IQCH: variants seen among roughly 807,000 people sequenced by gnomAD.
The protein encoded by IQCH is IQ motif containing H, also known as IQ domain-containing protein H.
A neutral mutation model predicts 117.0 loss-of-function variants in IQCH; 98 were observed. That is an observed-to-expected ratio of 0.84 (90% CI 0.71 to 0.99). The LOEUF is 0.99. IQCH is among the 50% of genes least tolerant of loss of function. IQCH has a pLI of 0.00. For missense variants in IQCH, 1,102 were observed against 1,243.8 expected (o/e 0.89, Z 1.72); for synonymous variants, 412 against 448.2 (o/e 0.92, Z 1.02).
At chr15:67,361,595 G>T (rs956702317) in intron 8 of IQCH, among the ~76,000 whole-genome samples, 3 of 152,100 alleles carry the variant, frequency 2.0e-5, no homozygotes, top group Non-Finnish European at 4.4e-5. Flanking sequence ...ATGTATACAG[G>T]TAATCAGTTT....
intron 4 of IQCH, among the ~76,000 whole-genome samples, chr15:67,326,480 C>G (rs1218798617): frequency 6.6e-6 from 1 of 152,100 alleles, no homozygotes; most frequent in East Asian, 1.9e-4. Context: ...GGGTATACAC[C>G]CAGTAATGGG....
At chr15:67,320,257 G>T (rs1022947151) in intron 4 of IQCH, among the ~76,000 whole-genome samples, 27 of 152,194 alleles carry the variant, frequency 1.8e-4, no homozygotes, top group Admixed American at 4.6e-4. Context: ...ACCCCAGCCA[G>T]TATTTAAACA....
intron 4 of IQCH, among the ~76,000 whole-genome samples, chr15:67,318,949 G>A (rs1210949185): frequency 6.6e-5 from 10 of 152,182 alleles, no homozygotes; most frequent in African/African-American, 2.2e-4. Flanking sequence ...AATTAGGGCC[G>A]GGTGTGGAGG....
chr15:67,389,480 T>G (rs1433738044), intron 12 of IQCH, among the ~76,000 whole-genome samples: 1 of 149,354 alleles, frequency 6.7e-6, no homozygotes, highest in Non-Finnish European at 1.5e-5. Flanking sequence ...ATGTTCAGGT[T>G]TTTTTTTTTT....
rs1970460636 is a variant in IQCH, at chr15:67,369,758, A to G, written c.754-2353A>G. On this transcript the variant is annotated intron_variant, in intron 8 of 20. Coordinates refer to ENST00000335894, the MANE Select transcript of IQCH (RefSeq NM_001031715.3). This position sits in a 1 kb window ranked among gnomAD's most constrained non-coding sequence, Gnocchi z 5.2. ...GAAGCAGCTTTGTCTTTACCTGCTC[A>G]ATGGATCTCACAATGCTGATGCACT... Among the ~76,000 whole-genome samples the G allele has an allele frequency of 6.6e-6, 1 of 152,162 alleles. No individual in the cohort carries two copies. The highest frequency in any genetic ancestry group is 1.5e-5 in the Non-Finnish European group (1 of 68,030).
Position 67,474,067 on chromosome 15 carries a change from AGTGTGTGTGTGTGTGTGT to A in IQCH, c.2677-1609_2677-1592del, listed in dbSNP as rs36050088. Among the ~76,000 whole-genome samples the A allele has an allele frequency of 7.2e-6, 1 of 138,218 alleles. No homozygotes were observed. The highest frequency in any genetic ancestry group is 2.7e-5 in the African/African-American group (1 of 36,966). 90.7% of individuals were successfully genotyped at this position (138,218 alleles called of 152,430 possible). A position where few individuals can be genotyped will look rare whatever the true frequency, so the allele number is the denominator to read the frequency against. On this transcript the variant is annotated intron_variant, in intron 17 of 20. Transcript: ENST00000335894. The surrounding 1 kb of genome is among the most constrained non-coding windows in gnomAD (Gnocchi z 4.1). ...GTCACCAAAAGTGCCACGAAATCTG[AGTGTGTGTGTGTGTGTGT>A]GTGTGTGTGTGTGTGTGTGGAGAGG... is the stretch of plus-strand genomic sequence containing the variant.
chr15:67,354,655 G>A (rs570960605), intron 6 of IQCH, among the ~76,000 whole-genome samples: 1 of 152,256 alleles, frequency 6.6e-6, no homozygotes, highest in Admixed American at 6.5e-5. Context: ...GGAGAGACGG[G>A]AACAGGTAGT....
chr15:67,418,825 G>A (rs1055063058), intron 15 of IQCH, among the ~76,000 whole-genome samples: 1 of 151,376 alleles, frequency 6.6e-6, no homozygotes, highest in Non-Finnish European at 1.5e-5. Flanking sequence ...TGATCCGCCC[G>A]CCTCGGCCTC....
Position 67,408,549 on chromosome 15 carries a change from T to TA in IQCH, c.2097+8245dup, listed in dbSNP as rs1463202059. ...GTGTATGCATCTGTATGTGTGGAAA[T>TA]ATCAAACAAGGCACAGCTCTTCACT... is the stretch of plus-strand genomic sequence containing the variant. On this transcript the variant is annotated intron_variant, in intron 14 of 20. Transcript: ENST00000335894. The surrounding 1 kb of genome is among the most constrained non-coding windows in gnomAD (Gnocchi z 4.2). 1 of 152,224 alleles carries TA rather than the reference T, an allele frequency of 6.6e-6. No homozygotes were observed. The highest frequency in any genetic ancestry group is 6.5e-5 in the Admixed American group (1 of 15,282). The allele number at this position is 152,224 out of a possible 1,614,324, so 9.4% of individuals were successfully genotyped here. A position where few individuals can be genotyped will look rare whatever the true frequency, so the allele number is the denominator to read the frequency against.
At position 67,353,338 on chromosome 15, in the gene IQCH, TA is replaced by T. The variant is rs1434842369; in HGVS notation, c.638-4006del. Among the ~76,000 whole-genome samples the T allele has an allele frequency of 4.9e-5, 7 of 142,262 alleles. No homozygotes were observed. In the South Asian group the frequency reaches 1.3e-3, roughly 27 times the overall value. 93.3% of individuals were successfully genotyped at this position (142,262 alleles called of 152,430 possible). ...CAAAATAATTAAAAATTGGCTTCTTTATTTTTTTATTTTATATTTATTTATT... is the reference window on the plus strand; with the variant it reads ...CAAAATAATTAAAAATTGGCTTCTTTTTTTTTTATTTTATATTTATTTATT... On this transcript the variant is annotated intron_variant, in intron 6 of 20. Coordinates refer to ENST00000335894, the MANE Select transcript of IQCH (RefSeq NM_001031715.3).
chr15:67,464,653 T>C (rs1324844106), intron 16 of IQCH, among the ~76,000 whole-genome samples: 5 of 152,180 alleles, frequency 3.3e-5, no homozygotes, highest in Non-Finnish European at 7.3e-5. Context: ...AAATATCATA[T>C]TGAGGCTCCC....
chr15:67,400,683 C>T (rs1426674021), intron 14 of IQCH, among the ~76,000 whole-genome samples: 4 of 150,242 alleles, frequency 2.7e-5, no homozygotes, highest in Admixed American at 6.6e-5. Context: ...TTTATTGGGA[C>T]GGGGAGGGTC....
chr15:67,304,243 T>C (rs930960616), intron 4 of IQCH: 44 of 578,890 alleles, frequency 7.6e-5, no homozygotes, highest in Middle Eastern at 6.4e-4. Flanking sequence ...TTAAAATAAT[T>C]ATTTCCAAAG....
intron 4 of IQCH, among the ~76,000 whole-genome samples, chr15:67,329,912 C>T (rs1050636787): frequency 1.3e-5 from 2 of 151,818 alleles, no homozygotes; most frequent in African/African-American, 4.8e-5. Context: ...GATATGAGCT[C>T]TGAAAATGTA....
intron 3 of IQCH, among the ~76,000 whole-genome samples, chr15:67,277,037 T>C (rs2140467487): frequency 6.6e-6 from 1 of 152,390 alleles, no homozygotes; most frequent in South Asian, 2.1e-4. Flanking sequence ...GGAGTTTATA[T>C]TGACATTTCT....
chr15:67,438,528 G>T (rs1426616878), intron 16 of IQCH, among the ~76,000 whole-genome samples: 1 of 152,126 alleles, frequency 6.6e-6, no homozygotes, highest in Non-Finnish European at 1.5e-5. Flanking sequence ...CACAGGCAAC[G>T]AAGAGCAGGA....
At chr15:67,299,374 T>C (rs1966912177) in intron 4 of IQCH, among the ~76,000 whole-genome samples, 1 of 152,056 alleles carries the variant, frequency 6.6e-6, no homozygotes, top group African/African-American at 2.4e-5. Flanking sequence ...AAGGTGACGC[T>C]GGCTGGTCAC....
rs1230719068 is a variant in IQCH at position 67,359,872 on chromosome 15, A to G, written c.740A>G (p.His247Arg). 1 of 1,612,170 alleles carries G rather than the reference A, an allele frequency of 6.2e-7. No individual in the cohort carries two copies. The highest frequency in any genetic ancestry group is 8.5e-7 in the Non-Finnish European group (1 of 1,178,562). Residue 247 changes from histidine to arginine, a missense_variant, in exon 8 of 21, where the codon CAT becomes CGT. Around this residue, in one of 2 missense-constraint regions of IQCH, gnomAD observed 452 missense variants for 449.6 expected, o/e 1.01. Coordinates refer to ENST00000335894, the MANE Select transcript of IQCH (RefSeq NM_001031715.3). This position sits in a 1 kb window ranked among gnomAD's most constrained non-coding sequence, Gnocchi z 4.5. ...SKGKSRRSRG[H>R]HDRKAMKVKT... ...GGGAAAAGCAGAAGGTCAAGAGGAC[A>G]TCATGATAGGAAGGTCTGTAATTTG...
At chr15:67,461,223 AG>A (rs2082784846) in intron 16 of IQCH, among the ~76,000 whole-genome samples, 1 of 152,242 alleles carries the variant, frequency 6.6e-6, no homozygotes, top group South Asian at 2.1e-4. Flanking sequence ...TAAAAATACA[AG>A]AATAGGATTA....
Sources: allele counts gnomAD v4.1 joint callset (sites outside exome capture counted in the v4.1 genomes callset), GRCh38; gene constraint gnomAD v4.1.1; regional missense constraint gnomAD v4.1.1; non-coding constraint Gnocchi (gnomAD v3.1); transcripts MANE v1.5; gene names NCBI Gene and HGNC (gene_info 2026-07-23, HGNC 2026-07-21).